SORL1: variants seen among roughly 807,000 people sequenced by gnomAD.
SORL1 encodes sortilin related receptor 1.
In SORL1, 127 loss-of-function variants were observed where a neutral mutation model predicts 273.7. The ratio of observed to expected loss-of-function variants is 0.46; its 90% CI spans 0.40 to 0.54. The LOEUF (loss-of-function observed/expected upper bound fraction) is 0.54, where lower values mean the gene tolerates loss of function less well. Among genes scored for constraint, SORL1 ranks in the 20% least tolerant of loss-of-function variants. The probability of loss-of-function intolerance (pLI) is 0.00; values close to 1 mark genes in which losing one functional copy is unlikely to be tolerated. For synonymous variants in SORL1, 1,031 were observed against 1,067.4 expected (o/e 0.97, Z 0.66); for missense variants, 2,494 against 2,846.1 (o/e 0.88, Z 2.81).
chr11:121,553,611 A>G (rs1254745520), intron 16 of SORL1, among the ~76,000 whole-genome samples: 2 of 152,236 alleles, frequency 1.3e-5, no homozygotes, highest in Non-Finnish European at 2.9e-5. Flanking sequence ...TAGGTTGGCA[A>G]GTGTGACTTG....
chr11:121,488,542 C>G (rs1364349107), intron 4 of SORL1, among the ~76,000 whole-genome samples: 2 of 152,188 alleles, frequency 1.3e-5, no homozygotes, highest in Non-Finnish European at 2.9e-5. Context: ...GGAATCTGAG[C>G]TCTTCAGGGA....
intron 3 of SORL1, among the ~76,000 whole-genome samples, chr11:121,482,046 G>C (rs1004604001): frequency 2.0e-5 from 3 of 152,198 alleles, no homozygotes; most frequent in Admixed American, 6.5e-5. Context: ...GGTGGGTTCT[G>C]ACTTCCTTTC....
intron 6 of SORL1, among the ~76,000 whole-genome samples, chr11:121,499,090 G>A (rs1194617756): frequency 6.6e-6 from 1 of 152,180 alleles, no homozygotes; most frequent in Non-Finnish European, 1.5e-5. Flanking sequence ...CGCAGCAGAT[G>A]CGCAATAGAG....
chr11:121,477,660 T>G (rs575696559), intron 2 of SORL1, among the ~76,000 whole-genome samples: 2 of 152,308 alleles, frequency 1.3e-5, no homozygotes, highest in Admixed American at 6.5e-5. Flanking sequence ...CTTTGTGTGT[T>G]ATCTGGTAAC....
chr11:121,496,728 A>T, intron 5 of SORL1, 141 bp from the exon 6 acceptor site: 1 of 659,306 alleles, frequency 1.5e-6, no homozygotes, highest in Admixed American at 2.9e-5. Context: ...CCAAAGGGAT[A>T]TGTTTGAGGC....
At chr11:121,505,632 T>C (rs1861776539) in intron 6 of SORL1, among the ~76,000 whole-genome samples, 1 of 152,140 alleles carries the variant, frequency 6.6e-6, no homozygotes, top group Non-Finnish European at 1.5e-5. Context: ...GCATTTCATA[T>C]GCTTATGTTT....
intron 6 of SORL1, among the ~76,000 whole-genome samples, chr11:121,508,392 C>T (rs539293584): frequency 7.9e-5 from 12 of 152,318 alleles, no homozygotes; most frequent in Non-Finnish European, 1.8e-4. Context: ...TAGTTAGCCT[C>T]TTTTTAATTC....
In SORL1 at chr11:121,563,330, T is replaced by C. The variant is rs1445736166; in HGVS notation, c.3050-3610T>C. 6.6e-6 allele frequency among the ~76,000 whole-genome samples: 1 copy of C among 152,214 alleles called. No homozygotes were observed. The highest frequency in any genetic ancestry group is 1.5e-5 in the Non-Finnish European group (1 of 68,042). ...TGATGATGGTTCATAATAAAAATGT[T>C]GTTCAGTTGCAACATTTATCAATTT... On this transcript the variant is annotated intron_variant, in intron 21 of 47. Transcript: ENST00000260197. The surrounding 1 kb of genome is among the most constrained non-coding windows in gnomAD (Gnocchi z 4.2).
chr11:121,621,123 A>C lies in SORL1; in HGVS notation c.5949A>C (p.Lys1983Asn), dbSNP rs1474674923. 4 of 1,613,878 alleles carry C rather than the reference A, an allele frequency of 2.5e-6. No homozygotes were observed. The highest frequency in any genetic ancestry group is 1.3e-5 in the African/African-American group (1 of 74,926). ...AGACTGACAGGAGCTACAAAGTAAA[A>C]TCCCGTAACAGCACTGTGGAATACA... ...IRKTDRSYKV[K>N]SRNSTVEYTL... Residue 1983 changes from lysine (K) to asparagine (N), a missense_variant, in exon 44 of 48, where the codon AAA becomes AAC. This residue lies in a region of SORL1 where 1,609 missense variants were observed against 1,816.4 expected (regional missense o/e 0.89). Transcript: ENST00000260197.
chr11:121,625,840 A>G (rs996043609), intron 46 of SORL1, among the ~76,000 whole-genome samples: 4 of 152,182 alleles, frequency 2.6e-5, no homozygotes, highest in South Asian at 4.1e-4. Context: ...GTCTGCTTAC[A>G]TTATAGTAGT....
At chr11:121,495,922 G>T (rs1418126248) in intron 5 of SORL1, among the ~76,000 whole-genome samples, 1 of 152,224 alleles carries the variant, frequency 6.6e-6, no homozygotes, top group Non-Finnish European at 1.5e-5. Context: ...TGTCTAGGAA[G>T]CTCAGACAAA....
intron 6 of SORL1, among the ~76,000 whole-genome samples, chr11:121,497,984 G>T (rs765321700): frequency 1.2e-4 from 18 of 152,202 alleles, no homozygotes; most frequent in South Asian, 4.1e-4. Flanking sequence ...GGATTTTAGG[G>T]TCAAGAGAGG....
At chr11:121,564,174 G>A (rs1862719724) in intron 21 of SORL1, among the ~76,000 whole-genome samples, 1 of 152,150 alleles carries the variant, frequency 6.6e-6, no homozygotes, top group Admixed American at 6.5e-5. Context: ...TGTATAAAGG[G>A]TCTGTGGCTG....
At chr11:121,543,788 A>T in intron 13 of SORL1, 62 bp downstream of exon 13, 1 of 1,479,116 alleles carries the variant, frequency 6.8e-7, no homozygotes, top group Non-Finnish European at 9.3e-7. Context: ...GTTATGTGCA[A>T]AGCACCAGCT....
chr11:121,452,454 C>G lies in SORL1; in HGVS notation c.123C>G (p.Pro41=). The G allele has an allele frequency of 1.3e-6, 2 of 1,509,992 alleles. No individual in the cohort carries two copies. Among genetic ancestry groups the G allele is most frequent in the Non-Finnish European group, 1.8e-6 (2 of 1,130,750 alleles). 93.5% of individuals were successfully genotyped at this position (1,509,992 alleles called of 1,614,324 possible). A position where few individuals can be genotyped will look rare whatever the true frequency, so the allele number is the denominator to read the frequency against. Residue 41 remains proline, a synonymous_variant, in exon 1 of 48, where the codon CCC becomes CCG. Coordinates refer to ENST00000260197, the MANE Select transcript of SORL1 (RefSeq NM_003105.6). This position sits in a 1 kb window ranked among gnomAD's most constrained non-coding sequence, Gnocchi z 5.3. ...WTQRLHGGSA[P]LPQDRGFLVV... is the part of the protein sequence containing the mutation. ...AGAGGCTGCACGGCGGCAGCGCGCC[C>G]TTGCCCCAGGACCGGGGCTTCCTCG...
chr11:121,465,653 G>A (rs1232677807), intron 1 of SORL1, among the ~76,000 whole-genome samples: 2 of 151,864 alleles, frequency 1.3e-5, no homozygotes, highest in Non-Finnish European at 2.9e-5. Flanking sequence ...TCAGCTTCCC[G>A]AGTAGCTGGG....
chr11:121,604,353 G>A lies in SORL1; in HGVS notation c.4651+29G>A, dbSNP rs760548066. 5 of 1,608,096 alleles carry A rather than the reference G, an allele frequency of 3.1e-6. No individual in the cohort carries two copies. In the Admixed American group the frequency reaches 8.3e-5, roughly 27 times the overall value. Reference sequence around the variant, plus strand: ...AGTGCCGGTCCACGGGCTGGGCTGGGCTGGGCTGGGCTGGGAGGCTCGCTT... The same window carrying A: ...AGTGCCGGTCCACGGGCTGGGCTGGACTGGGCTGGGCTGGGAGGCTCGCTT... On this transcript the variant is annotated intron_variant, in intron 33 of 47. Coordinates refer to ENST00000260197, the MANE Select transcript of SORL1 (RefSeq NM_003105.6).
rs77265039 is a variant in SORL1, at chr11:121,602,624, G to A, written c.4520-1569G>A. Among the ~76,000 whole-genome samples, 928 of 152,306 alleles carry A rather than the reference G, an allele frequency of 6.1e-3. 8 individuals are homozygous for A. The highest frequency in any genetic ancestry group is 0.01 in the Middle Eastern group (3 of 294). On this transcript the variant is annotated intron_variant, in intron 32 of 47. Transcript: ENST00000260197. Reference sequence around the variant, plus strand: ...ATGTTAGGAGGAAGGAGAAGAGGGAGGGGGTCGAGGTCAAGAGGTGACCCA... The same window carrying A: ...ATGTTAGGAGGAAGGAGAAGAGGGAAGGGGTCGAGGTCAAGAGGTGACCCA...
chr11:121,586,291 T>A lies in SORL1; in HGVS notation c.3776T>A (p.Leu1259Gln). 1 of 1,614,192 alleles carries A rather than the reference T, an allele frequency of 6.2e-7. No homozygotes were observed. The highest frequency in any genetic ancestry group is 8.5e-7 in the Non-Finnish European group (1 of 1,179,988). ...CCATCCAGCAAACATTGTGATGGTC[T>A]GCGTGATTGCTCTGATGGCTCCGAT... The part of the protein sequence containing the change: ...CIPSSKHCDG[L>Q]RDCSDGSDEQ... The change falls in exon 27 of 48, where the codon CTG becomes CAG. Residue 1259 changes from leucine (L) to glutamine (Q), a missense_variant. Leu to Gln is a moderately radical substitution (Grantham distance 113, BLOSUM62 -2). Around this residue, in one of 3 missense-constraint regions of SORL1, gnomAD observed 1,609 missense variants for 1,816.4 expected, o/e 0.89. Transcript: ENST00000260197.
Sources: allele counts gnomAD v4.1 joint callset (sites outside exome capture counted in the v4.1 genomes callset), GRCh38; gene constraint gnomAD v4.1.1; regional missense constraint gnomAD v4.1.1; non-coding constraint Gnocchi (gnomAD v3.1); transcripts MANE v1.5; gene names NCBI Gene and HGNC (gene_info 2026-07-23, HGNC 2026-07-21).